RAB40B: variants seen among roughly 807,000 people sequenced by gnomAD.
RAB40B encodes ras-related protein Rab-40B.
A neutral mutation model predicts 24.0 loss-of-function variants in RAB40B; 21 were observed. The observed-to-expected ratio is 0.88, with a 90% CI of 0.62 to 1.26. RAB40B has a LOEUF of 1.26. Among genes scored for constraint, RAB40B ranks in the 50% most tolerant of loss-of-function variants. The pLI is 0.00. For missense variants in RAB40B, 348 were observed against 390.5 expected, an observed-to-expected ratio of 0.89 and a Z score of 0.92; for synonymous variants, 167 against 169.8, an observed-to-expected ratio of 0.98 and a Z score of 0.13.
chr17:82,687,862 A>G (rs529542936), intron 1 of RAB40B, among the ~76,000 whole-genome samples: 3 of 152,332 alleles, frequency 2.0e-5, no homozygotes, highest in Non-Finnish European at 4.4e-5. Context: ...GCTTGAGCCC[A>G]GAAATTCAAG....
At chr17:82,682,546 A>G (rs866939365) in intron 1 of RAB40B, among the ~76,000 whole-genome samples, 2 of 152,222 alleles carry the variant, frequency 1.3e-5, no homozygotes, top group South Asian at 4.1e-4. Context: ...TCTTGGTAGA[A>G]ATCAACAAAG....
In RAB40B at chr17:82,663,894, C is replaced by T. The variant is rs982093059; in HGVS notation, c.203+602G>A. The stretch of plus-strand genomic sequence containing the variant: ...TTCTGGGGTCCCCTACTCTGGATGA[C>T]GGGGGCCCAGACAACCGGACCACCA... On this transcript the variant is annotated intron_variant, in intron 2 of 5. Transcript: ENST00000571995. The surrounding 1 kb of genome is among the most constrained non-coding windows in gnomAD (Gnocchi z 6.2). 7.9e-5 allele frequency among the ~76,000 whole-genome samples: 12 copies of T among 152,176 alleles called. No homozygotes were observed. The highest frequency in any genetic ancestry group is 1.4e-4 in the African/African-American group (6 of 41,428).
chr17:82,658,106 C>G lies in RAB40B; in HGVS notation c.594G>C (p.Arg198=), dbSNP rs2046109526. 1 of 1,613,990 alleles carries G rather than the reference C, an allele frequency of 6.2e-7. No homozygotes were observed. The highest frequency in any genetic ancestry group is 1.3e-5 in the African/African-American group (1 of 74,926). Residue 198 remains arginine, a synonymous_variant, in exon 6 of 6, where the codon CGG becomes CGC. Transcript: ENST00000571995. The part of the protein sequence containing the change: ...KVLSLQDLCC[R]AVVSCTPVHL... ...GCACCGGCGTGCAGGACACGACCGC[C>G]CGGCAGCAGAGGTCTTGCAAGCTCA...
In RAB40B at chr17:82,697,796, C is replaced by T. The variant is rs2046626282; in HGVS notation, c.142+659G>A. Among the ~76,000 whole-genome samples the T allele has an allele frequency of 1.3e-5, 2 of 152,234 alleles. No homozygotes were observed. Among genetic ancestry groups the T allele is most frequent in the Non-Finnish European group, 2.9e-5 (2 of 68,042 alleles). The stretch of plus-strand genomic sequence containing the variant: ...TGCCTGCCTGGGAGCTCTGGGCGCT[C>T]CGGCCTCCCCTCGCCCTGGAACCCG... On this transcript the variant is annotated intron_variant, in intron 1 of 5. Transcript: ENST00000571995. This position sits in a 1 kb window ranked among gnomAD's most constrained non-coding sequence, Gnocchi z 4.9.
At position 82,698,544 on chromosome 17, in the gene RAB40B, A is replaced by G; in HGVS notation, c.53T>C (p.Leu18Pro). 1 of 1,526,028 alleles carries G rather than the reference A, an allele frequency of 6.6e-7. No homozygotes were observed. Among genetic ancestry groups the G allele is most frequent in the Non-Finnish European group, 8.8e-7 (1 of 1,131,756 alleles). 94.5% of individuals were successfully genotyped at this position (1,526,028 alleles called of 1,614,324 possible). A position where few individuals can be genotyped will look rare whatever the true frequency, so the allele number is the denominator to read the frequency against. ...VRAYDFLLKF[L>P]LVGDSDVGKG... ...GCCCACGTCGCTGTCGCCCACCAGC[A>G]GGAACTTGAGCAGAAAGTCGTAGGC... The change falls in exon 1 of 6, where the codon CTG becomes CCG. Residue 18 changes from leucine (L) to proline (P), a missense_variant. Coordinates refer to ENST00000571995, the MANE Select transcript of RAB40B (RefSeq NM_006822.3).
chr17:82,660,799 G>C (rs1282541814), intron 3 of RAB40B, among the ~76,000 whole-genome samples, 188 bp downstream of exon 3: 1 of 152,218 alleles, frequency 6.6e-6, no homozygotes, highest in East Asian at 1.9e-4. Context: ...GCTTACATCC[G>C]TAATACTGAT....
At chr17:82,696,157 C>T (rs1238094889) in intron 1 of RAB40B, among the ~76,000 whole-genome samples, 2 of 152,142 alleles carry the variant, frequency 1.3e-5, no homozygotes, top group African/African-American at 2.4e-5. Flanking sequence ...TGTGAGCCAC[C>T]GCCCCCGGCC....
chr17:82,659,257 C>T (rs1006142503), intron 4 of RAB40B: 6 of 356,556 alleles, frequency 1.7e-5, no homozygotes, highest in African/African-American at 1.0e-4. Flanking sequence ...CAGGCACAAG[C>T]GCCGGTCACT....
chr17:82,660,555 T>TAC (rs373058507), intron 3 of RAB40B, among the ~76,000 whole-genome samples: 31 of 144,664 alleles, frequency 2.1e-4, no homozygotes, highest in African/African-American at 7.5e-4. Context: ...CACACACGTG[T>TAC]ACACACACAC....
chr17:82,669,274 G>A (rs371389878), intron 1 of RAB40B, among the ~76,000 whole-genome samples: 6 of 152,150 alleles, frequency 3.9e-5, no homozygotes, highest in Admixed American at 1.3e-4. Context: ...TCAGGAGTTC[G>A]AGAGCAGCCT....
rs527915905 is a variant in RAB40B, at chr17:82,692,234, C to T, written c.142+6221G>A. 4.0e-5 allele frequency among the ~76,000 whole-genome samples: 6 copies of T among 150,310 alleles called. No homozygotes were observed. Among genetic ancestry groups the T allele is most frequent in the South Asian group, 4.2e-4 (2 of 4,710 alleles). ...GCAGAGCAGTGGGGCCCGCACGGTC[C>T]GTGGGCTGAGGTGACAGGCAGAGCA... On this transcript the variant is annotated intron_variant, in intron 1 of 5. Transcript: ENST00000571995. The surrounding 1 kb of genome is among the most constrained non-coding windows in gnomAD (Gnocchi z 4.0).
intron 2 of RAB40B, chr17:82,661,889 A>G (rs1250547991): frequency 9.5e-4 from 104 of 109,440 alleles, no homozygotes; most frequent in Non-Finnish European, 1.1e-3. Flanking sequence ...TCTGTCTCAG[A>G]AAAAAAAAAA....
At chr17:82,694,920 G>GA (rs925268775) in intron 1 of RAB40B, among the ~76,000 whole-genome samples, 4 of 151,730 alleles carry the variant, frequency 2.6e-5, no homozygotes, top group Admixed American at 2.0e-4. Context: ...GAGTCCTTCT[G>GA]AAAAAACGAC....
At chr17:82,665,665 A>T (rs2046246128) in intron 1 of RAB40B, among the ~76,000 whole-genome samples, 1 of 152,096 alleles carries the variant, frequency 6.6e-6, no homozygotes, top group African/African-American at 2.4e-5. Flanking sequence ...TCAGGAATTC[A>T]AGACCAGCCT....
chr17:82,664,602 A>G (rs540254108), intron 1 of RAB40B, 46 bp from the exon 2 acceptor site: 11 of 1,569,920 alleles, frequency 7.0e-6, no homozygotes, highest in Non-Finnish European at 8.7e-7. Flanking sequence ...TGCAGCTAAC[A>G]GGACGCTGGA....
intron 1 of RAB40B, among the ~76,000 whole-genome samples, chr17:82,685,246 G>A (rs2046486893): frequency 7.2e-6 from 1 of 138,542 alleles, no homozygotes; most frequent in Admixed American, 7.1e-5. Flanking sequence ...GGAGGAGGGA[G>A]GGGGAGGGGG....
Position 82,697,909 on chromosome 17 carries a change from G to C in RAB40B, c.142+546C>G, listed in dbSNP as rs1286215409. On this transcript the variant is annotated intron_variant, in intron 1 of 5. Coordinates refer to ENST00000571995, the MANE Select transcript of RAB40B (RefSeq NM_006822.3). The surrounding 1 kb of genome is among the most constrained non-coding windows in gnomAD (Gnocchi z 4.9). ...CTCCCCCGGACACGCGGGACCCCTG[G>C]CCTCGGGACCGGACCCTGGTCTCCC... Among the ~76,000 whole-genome samples the C allele has an allele frequency of 8.6e-5, 13 of 151,648 alleles. No individual in the cohort carries two copies. The highest frequency in any genetic ancestry group is 8.5e-4 in the Admixed American group (13 of 15,250).
At chr17:82,668,319 G>A (rs895682516) in intron 1 of RAB40B, 4 of 154,460 alleles carry the variant, frequency 2.6e-5, no homozygotes, top group African/African-American at 9.6e-5. Context: ...AAAGCACCGA[G>A]TCCTCCTTCC....
At chr17:82,691,380 TG>T (rs2046555855) in intron 1 of RAB40B, among the ~76,000 whole-genome samples, 1 of 152,046 alleles carries the variant, frequency 6.6e-6, no homozygotes, top group African/African-American at 2.4e-5. Flanking sequence ...CCCCCCTCCC[TG>T]TCACCAATAA....
Sources: gnomAD v4.1 joint callset for allele counts (sites outside exome capture counted in the v4.1 genomes callset) on GRCh38, gnomAD v4.1.1 for gene constraint, Gnocchi (gnomAD v3.1) non-coding constraint, MANE v1.5 for transcripts, NCBI Gene and HGNC (gene_info 2026-07-23, HGNC 2026-07-21) for gene names.